UPF3A: variants seen among roughly 807,000 people sequenced by gnomAD.
UPF3A encodes the protein UPF3A regulator of nonsense mediated mRNA decay, also known as regulator of nonsense transcripts 3A.
UPF3A carries 42 observed loss-of-function variants against 53.5 expected under a neutral mutation model. The ratio of observed to expected loss-of-function variants is 0.78; its 90% CI spans 0.61 to 1.01. UPF3A has a LOEUF of 1.01. Ranked by LOEUF, UPF3A falls within the 50% of genes least tolerant of loss-of-function variation. UPF3A has a pLI of 0.00. For synonymous variants in UPF3A, 237 were observed against 225.3 expected (o/e 1.05, Z -0.47); for missense variants, 575 against 598.0 (o/e 0.96, Z 0.40).
rs754990300 is a variant in UPF3A at position 114,301,800 on chromosome 13, A to G, written c.1077A>G (p.Gln359=). Residue 359 remains glutamine (Q), a synonymous_variant, in exon 9 of 10, where the codon CAA becomes CAG. Coordinates refer to ENST00000375299, the MANE Select transcript of UPF3A (RefSeq NM_023011.4). ...CTCAAGAACAAGAATCTGAAGCACA[A>G]AGATACCATGTGGATGACGGCAGGA... The part of the protein sequence containing the change: ...ERSQEQESEA[Q]RYHVDDGRRH... 4.3e-6 allele frequency: 7 copies of G among 1,613,864 alleles called. No individual in the cohort carries two copies. The highest frequency in any genetic ancestry group is 5.9e-6 in the Non-Finnish European group (7 of 1,179,906).
At chr13:114,293,876 C>T (rs2085557077) in intron 7 of UPF3A, among the ~76,000 whole-genome samples, 1 of 152,012 alleles carries the variant, frequency 6.6e-6, no homozygotes, top group Non-Finnish European at 1.5e-5. Context: ...AATCTCAGGA[C>T]TTTGGGAGAC....
chr13:114,288,980 G>A (rs933220082), intron 5 of UPF3A, among the ~76,000 whole-genome samples: 12 of 152,082 alleles, frequency 7.9e-5, no homozygotes, highest in African/African-American at 2.4e-4. Flanking sequence ...GCAAAGGATC[G>A]GTCACTTTAG....
intron 7 of UPF3A, among the ~76,000 whole-genome samples, chr13:114,293,475 T>C (rs970561867): frequency 6.6e-6 from 1 of 152,218 alleles, no homozygotes; most frequent in Non-Finnish European, 1.5e-5. Flanking sequence ...AACCGGGTTT[T>C]ATCATTTCTT....
At position 114,282,824 on chromosome 13, in the gene UPF3A, T is replaced by C. The variant is rs1199560739; in HGVS notation, c.315-13T>C. 1.3e-6 allele frequency: 2 copies of C among 1,594,600 alleles called. No individual in the cohort carries two copies. The highest frequency in any genetic ancestry group is 1.3e-5 in the African/African-American group (1 of 74,454). ...TTTTCACTGACCATTTTCACTGTTA[T>C]CTCTTATTTCAGTCTTTATCCTCAT... On this transcript the variant is annotated splice_polypyrimidine_tract_variant and intron_variant, in intron 2 of 9. Coordinates refer to ENST00000375299, the MANE Select transcript of UPF3A (RefSeq NM_023011.4).
At chr13:114,284,770 C>T (rs2084504646) in intron 3 of UPF3A, among the ~76,000 whole-genome samples, 1 of 151,968 alleles carries the variant, frequency 6.6e-6, no homozygotes. Context: ...AGGTTCCCAC[C>T]TGTAGTGAGC....
At chr13:114,288,925 C>T (rs1025130874) in intron 5 of UPF3A, among the ~76,000 whole-genome samples, 11 of 152,118 alleles carry the variant, frequency 7.2e-5, no homozygotes, top group Admixed American at 2.6e-4. Flanking sequence ...GCCTCATCTC[C>T]CTGCCCCTCC....
intron 5 of UPF3A, among the ~76,000 whole-genome samples, chr13:114,288,829 C>A (rs2139202113): frequency 6.6e-6 from 1 of 152,142 alleles, no homozygotes; most frequent in East Asian, 1.9e-4. Context: ...GAGGGTAGGA[C>A]AGTATTGGGG....
intron 7 of UPF3A, among the ~76,000 whole-genome samples, chr13:114,298,138 A>C (rs2086232565): frequency 6.6e-6 from 1 of 152,156 alleles, no homozygotes; most frequent in Admixed American, 6.5e-5. Flanking sequence ...TTGGGAGGCC[A>C]GGGTGGGTGG....
At chr13:114,281,899 T>TGGAGGGAGGGGAGG (rs2084055597) in intron 1 of UPF3A, 53 bp downstream of exon 1, 1 of 621,150 alleles carries the variant, frequency 1.6e-6, no homozygotes. Flanking sequence ...CGGCCCTGAG[T>TGGAGGGAGGGGAGG]GGAGGGAGGG....
At position 114,289,604 on chromosome 13, in the gene UPF3A, C is replaced by T. The variant is rs969767765; in HGVS notation, c.632-1885C>T. On this transcript the variant is annotated intron_variant, in intron 5 of 9. Transcript: ENST00000375299. ...CTAAGCTTTTGGCCTCCAGTGGATTCTTCTGCACAGGTCTGAGAAGCAAGT... is the reference window on the plus strand; with the variant it reads ...CTAAGCTTTTGGCCTCCAGTGGATTTTTCTGCACAGGTCTGAGAAGCAAGT... Among the ~76,000 whole-genome samples, 6 of 151,386 alleles carry T rather than the reference C, an allele frequency of 4.0e-5. No homozygotes were observed. In the South Asian group the frequency reaches 1.3e-3, roughly 32 times the overall value.
rs1346627869 is a variant in UPF3A at position 114,302,011 on chromosome 13, C to T, written c.1288C>T (p.Arg430Ter). Residue 430 changes from arginine to a stop codon, truncating the protein, a stop_gained, in exon 9 of 10, where the codon CGA (arginine) becomes TGA (stop). Coordinates refer to ENST00000375299, the MANE Select transcript of UPF3A (RefSeq NM_023011.4). LOFTEE classifies it low-confidence loss of function (END_TRUNC). ...CGACAGTCCAGCACCCAGAAAAGAG[C>T]GACTGGCAAACAAGGTTTTTATTAA... ...CDDSPAPRKE[R>*]LANKDRPALQ... is the part of the protein sequence containing the mutation. 6 of 1,518,220 alleles carry T rather than the reference C, an allele frequency of 4.0e-6. No homozygotes were observed. The highest frequency in any genetic ancestry group is 2.3e-5 in the East Asian group (1 of 43,194). 94.0% of individuals were successfully genotyped at this position (1,518,220 alleles called of 1,614,324 possible).
At position 114,304,861 on chromosome 13, in the gene UPF3A, A is replaced by C. The variant is rs776164523; in HGVS notation, c.1375A>C (p.Ile459Leu). Reference protein sequence around the residue: ...RARECGGNRRICKAEGSGTGP... With the variant: ...RARECGGNRRLCKAEGSGTGP... ...GCGAGAGTGTGGCGGAAACAGGAGG[A>C]TCTGCAAGGCAGAAGGTTCGGGGAC... Residue 459 changes from isoleucine to leucine, a missense_variant, in exon 10 of 10, where the codon ATC becomes CTC. Ile to Leu is a conservative substitution (Grantham distance 5). Transcript: ENST00000375299. The C allele has an allele frequency of 3.1e-6, 5 of 1,613,760 alleles. No homozygotes were observed. In the African/African-American group the frequency reaches 5.3e-5, roughly 17 times the overall value.
At chr13:114,299,078 A>G (rs2086340508) in intron 8 of UPF3A, 78 bp downstream of exon 8, 8 of 1,370,144 alleles carry the variant, frequency 5.8e-6, no homozygotes, top group African/African-American at 4.4e-5. Flanking sequence ...GAGTATGCCT[A>G]TTTCACACTG....
chr13:114,300,541 G>GTT (rs59630261), intron 8 of UPF3A, among the ~76,000 whole-genome samples: 83 of 147,456 alleles, frequency 5.6e-4, no homozygotes, highest in South Asian at 1.3e-3. Flanking sequence ...GCTAATTTTT[G>GTT]TTTTTTTTTT....
chr13:114,291,749 CAGAT>C lies in UPF3A; in HGVS notation c.805_808del (p.Asp269AsnfsTer10), dbSNP rs2085292616. On this transcript the variant is annotated frameshift_variant, in exon 7 of 10. Transcript: ENST00000375299. LOFTEE classifies it high-confidence loss of function. ...GAAGAAAGATGCAAAAAAAAAGAGACAGATAAACAGAAGAAAATTGCAGAGAAAG... is the reference window on the plus strand; with the variant it reads ...GAAGAAAGATGCAAAAAAAAAGAGACAAACAGAAGAAAATTGCAGAGAAAG... 1.3e-6 allele frequency: 2 copies of C among 1,589,898 alleles called. No individual in the cohort carries two copies. The highest frequency in any genetic ancestry group is 1.1e-5 in the South Asian group (1 of 86,980).
At chr13:114,286,802 A>G in intron 5 of UPF3A, 173 bp downstream of exon 5, 1 of 615,006 alleles carries the variant, frequency 1.6e-6, no homozygotes, top group Non-Finnish European at 2.9e-6. Flanking sequence ...GCAGCATGGG[A>G]AAATATTTCT....
In UPF3A at chr13:114,301,831, A is replaced by G. The variant is rs1263011178; in HGVS notation, c.1108A>G (p.Arg370Gly). 2 of 1,613,844 alleles carry G rather than the reference A, an allele frequency of 1.2e-6. No homozygotes were observed. Among genetic ancestry groups the G allele is most frequent in the Non-Finnish European group, 1.7e-6 (2 of 1,179,904 alleles). The change falls in exon 9 of 10, where the codon AGA (arginine) becomes GGA (glycine). Residue 370 changes from arginine (R) to glycine (G), a missense_variant. By Grantham distance (125) the Arg-to-Gly change is moderately radical. This residue lies in a region of UPF3A where 323 missense variants were observed against 415.2 expected (regional missense o/e 0.78). Transcript: ENST00000375299. ...RYHVDDGRRHRAHHEPERLSR... is the reference protein window; with the variant it reads ...RYHVDDGRRHGAHHEPERLSR... The stretch of plus-strand genomic sequence containing the variant: ...CCATGTGGATGACGGCAGGAGGCAC[A>G]GAGCTCACCACGAGCCTGAACGGCT...
At chr13:114,281,888 A>G in intron 1 of UPF3A, 42 bp downstream of exon 1, 1 of 1,107,378 alleles carries the variant, frequency 9.0e-7, no homozygotes, top group Non-Finnish European at 1.2e-6. Flanking sequence ...CGAGGAGAGG[A>G]CGGCCCTGAG....
At position 114,281,741 on chromosome 13, in the gene UPF3A, C is replaced by G; in HGVS notation, c.102C>G (p.His34Gln). 6.4e-7 allele frequency: 1 copy of G among 1,557,710 alleles called. No homozygotes were observed. The highest frequency in any genetic ancestry group is 8.7e-7 in the Non-Finnish European group (1 of 1,151,718). ...TGTCGGCCCTAGAAGTGCAGTTCCA[C>G]CGCGACTCGCAGCAGCAGGAGGCTG... is the stretch of plus-strand genomic sequence containing the variant. ...EKLSALEVQF[H>Q]RDSQQQEAET... The change falls in exon 1 of 10, where the codon CAC (histidine) becomes CAG (glutamine). Residue 34 changes from histidine to glutamine, a missense_variant. By Grantham distance (24) the His-to-Gln change is conservative (BLOSUM62 0). Around this residue, in one of 2 missense-constraint regions of UPF3A, gnomAD observed 252 missense variants for 182.7 expected, o/e 1.38. Transcript: ENST00000375299.
Sources: gnomAD v4.1 joint callset for allele counts (sites outside exome capture counted in the v4.1 genomes callset) on GRCh38, gnomAD v4.1.1 for gene constraint, gnomAD v4.1.1 regional missense constraint, MANE v1.5 for transcripts, NCBI Gene and HGNC (gene_info 2026-07-23, HGNC 2026-07-21) for gene names.